DNAJB14: variants seen among roughly 807,000 people sequenced by gnomAD.
The protein encoded by DNAJB14 is dnaJ homolog subfamily B member 14.
A neutral mutation model predicts 48.4 loss-of-function variants in DNAJB14; 22 were observed. The ratio of observed to expected loss-of-function variants is 0.45; its 90% CI spans 0.32 to 0.65. The LOEUF is 0.65. Ranked by LOEUF, DNAJB14 falls within the 30% of genes least tolerant of loss-of-function variation. The pLI, the probability that DNAJB14 is intolerant of heterozygous loss-of-function variation, is 0.03. For missense variants in DNAJB14, 319 were observed against 458.8 expected, an observed-to-expected ratio of 0.70 and a Z score of 2.78; for synonymous variants, 142 against 158.7, an observed-to-expected ratio of 0.89 and a Z score of 0.79.
chr4:99,923,781 C>T, intron 2 of DNAJB14: 1 of 966,106 alleles, frequency 1.0e-6, no homozygotes, highest in Non-Finnish European at 1.2e-6. Context: ...TCAAATGATC[C>T]TCCCATCTCA....
intron 1 of DNAJB14, 67 bp from the exon 2 acceptor site, chr4:99,930,688 A>T (rs1235475190): frequency 1.3e-6 from 2 of 1,484,178 alleles, no homozygotes; most frequent in Non-Finnish European, 1.8e-6. Context: ...CTGAGAAGAA[A>T]GTTTTAAAGC....
At chr4:99,942,696 G>A (rs917844283) in intron 1 of DNAJB14, among the ~76,000 whole-genome samples, 1 of 152,018 alleles carries the variant, frequency 6.6e-6, no homozygotes, top group Non-Finnish European at 1.5e-5. Context: ...AAAAACTCTT[G>A]CCAATTTCTG....
At chr4:99,942,207 T>G (rs1560750949) in intron 1 of DNAJB14, 1 of 152,034 alleles carries the variant, frequency 6.6e-6, no homozygotes, top group Admixed American at 6.5e-5. Context: ...CAATACATAA[T>G]TTGGATTATC....
chr4:99,936,364 A>G (rs929799166), intron 1 of DNAJB14, among the ~76,000 whole-genome samples: 13 of 152,218 alleles, frequency 8.5e-5, no homozygotes, highest in Admixed American at 7.8e-4. Context: ...AATATACTGT[A>G]TGTGTGTGCA....
intron 3 of DNAJB14, among the ~76,000 whole-genome samples, chr4:99,915,263 G>A (rs1345764230): frequency 2.0e-5 from 3 of 151,948 alleles, no homozygotes; most frequent in Non-Finnish European, 4.4e-5. Context: ...TCAGCCTCCC[G>A]AGTAGCTGGG....
chr4:99,922,949 C>T (rs1241409785), intron 3 of DNAJB14, 91 bp downstream of exon 3: 3 of 1,350,208 alleles, frequency 2.2e-6, no homozygotes. Flanking sequence ...TCTAAATGCA[C>T]CAGTCCAAAA....
chr4:99,946,338 G>A (rs894806359), intron 1 of DNAJB14, 101 bp downstream of exon 1: 3 of 1,517,874 alleles, frequency 2.0e-6, no homozygotes, highest in Admixed American at 3.9e-5. Context: ...AGACAGGCCG[G>A]GGGCCCCGCA....
chr4:99,931,165 T>C (rs1271212336), intron 1 of DNAJB14, among the ~76,000 whole-genome samples: 2 of 152,170 alleles, frequency 1.3e-5, no homozygotes, highest in Non-Finnish European at 2.9e-5. Context: ...CTGTAATATA[T>C]ACATTTCAGG....
chr4:99,914,113 G>T (rs1004330718), intron 3 of DNAJB14, among the ~76,000 whole-genome samples: 4 of 152,128 alleles, frequency 2.6e-5, no homozygotes, highest in African/African-American at 7.2e-5. Context: ...AAGAGAGCAA[G>T]AACTTACTAC....
In DNAJB14 at chr4:99,937,452, C is replaced by T. The variant is rs184998416; in HGVS notation, c.134-6831G>A. 3.9e-3 allele frequency among the ~76,000 whole-genome samples: 595 copies of T among 152,236 alleles called. 10 individuals carry two copies. The highest frequency in any genetic ancestry group is 0.034 in the Admixed American group (527 of 15,294). ...ACTAAGAACACACATCAGCAGGGCA[C>T]GGTAGCTCACACCTGTAATCCCAGC... On this transcript the variant is annotated intron_variant, in intron 1 of 7. Transcript: ENST00000442697.
intron 7 of DNAJB14, among the ~76,000 whole-genome samples, chr4:99,903,096 CATT>C (rs1425732326): frequency 6.6e-6 from 1 of 152,118 alleles, no homozygotes; most frequent in Non-Finnish European, 1.5e-5. Flanking sequence ...ATATGGTCTA[CATT>C]ATTATTCACA....
chr4:99,906,626 G>A lies in DNAJB14; in HGVS notation c.638-15C>T. The A allele has an allele frequency of 6.3e-7, 1 of 1,597,930 alleles. No homozygotes were observed. The highest frequency in any genetic ancestry group is 1.1e-5 in the South Asian group (1 of 89,734). On this transcript the variant is annotated splice_polypyrimidine_tract_variant and intron_variant, in intron 4 of 7. Coordinates refer to ENST00000442697, the MANE Select transcript of DNAJB14 (RefSeq NM_001031723.4). ...ATGTACACTACCTAAAAAATTAAAAGCAAGGTTAAATTAGGGAGAGCAATT... is the reference window on the plus strand; with the variant it reads ...ATGTACACTACCTAAAAAATTAAAAACAAGGTTAAATTAGGGAGAGCAATT...
intron 7 of DNAJB14, among the ~76,000 whole-genome samples, chr4:99,902,100 C>T (rs930766097): frequency 6.6e-6 from 1 of 152,140 alleles, no homozygotes; most frequent in African/African-American, 2.4e-5. Context: ...GATGACTCTT[C>T]CCAAAGAAGA....
At position 99,905,596 on chromosome 4, in the gene DNAJB14, C is replaced by T. The variant is rs1017730041; in HGVS notation, c.842+1G>A. ...TTGTAAAACTTCACTTGGCTACTTA[C>T]GATCTGGGATATAAGGAATAAGGAG... On this transcript the variant is annotated splice_donor_variant, in intron 6 of 7. Coordinates refer to ENST00000442697, the MANE Select transcript of DNAJB14 (RefSeq NM_001031723.4). LOFTEE classifies it high-confidence loss of function. 1.2e-6 allele frequency: 2 copies of T among 1,601,152 alleles called. No homozygotes were observed. Among genetic ancestry groups the T allele is most frequent in the African/African-American group, 1.3e-5 (1 of 74,482 alleles).
At chr4:99,901,604 T>TA in intron 7 of DNAJB14, among the ~76,000 whole-genome samples, 1 of 152,138 alleles carries the variant, frequency 6.6e-6, no homozygotes, top group Middle Eastern at 3.4e-3. Context: ...TTACTTAAAT[T>TA]AAAAAATACA....
chr4:99,944,084 AACAG>A (rs769118314), intron 1 of DNAJB14, among the ~76,000 whole-genome samples: 14 of 152,202 alleles, frequency 9.2e-5, no homozygotes, highest in African/African-American at 1.7e-4. Flanking sequence ...AAAGGACTTG[AACAG>A]ACATTTTCTC....
At chr4:99,940,662 C>T (rs1726858709) in intron 1 of DNAJB14, among the ~76,000 whole-genome samples, 1 of 150,114 alleles carries the variant, frequency 6.7e-6, no homozygotes, top group Non-Finnish European at 1.5e-5. Flanking sequence ...TCCCCCAAAT[C>T]CCCCCCAAAA....
intron 1 of DNAJB14, among the ~76,000 whole-genome samples, chr4:99,932,005 T>C (rs975703519): frequency 6.6e-6 from 1 of 152,028 alleles, no homozygotes; most frequent in African/African-American, 2.4e-5. Flanking sequence ...TCCATCACAC[T>C]GGACACAAAA....
intron 1 of DNAJB14, among the ~76,000 whole-genome samples, chr4:99,940,361 G>A (rs1238412376): frequency 6.6e-6 from 1 of 152,190 alleles, no homozygotes; most frequent in Non-Finnish European, 1.5e-5. Flanking sequence ...GGGAGGCTGA[G>A]GCAGGTGGAT....
Sources: gnomAD v4.1 joint callset for allele counts (sites outside exome capture counted in the v4.1 genomes callset) on GRCh38, gnomAD v4.1.1 for gene constraint, MANE v1.5 for transcripts, NCBI Gene and HGNC (gene_info 2026-07-23, HGNC 2026-07-21) for gene names.